PTPRT: variants seen among roughly 807,000 people sequenced by gnomAD.
PTPRT encodes protein tyrosine phosphatase receptor type T.
Under a neutral mutation model 176.8 loss-of-function variants are expected in PTPRT, and 56 were observed. The ratio of observed to expected loss-of-function variants is 0.32; its 90% CI spans 0.26 to 0.40. PTPRT has a LOEUF of 0.40. Ranked by LOEUF, PTPRT falls within the 10% of genes least tolerant of loss-of-function variation. The pLI is 1.00. For synonymous variants in PTPRT, 783 were observed against 739.0 expected, an observed-to-expected ratio of 1.06 and a Z score of -0.96; for missense variants, 1,540 against 1,908.2, an observed-to-expected ratio of 0.81 and a Z score of 3.60.
At chr20:42,612,284 C>A (rs1269181756) in intron 7 of PTPRT, among the ~76,000 whole-genome samples, 1 of 152,224 alleles carries the variant, frequency 6.6e-6, no homozygotes, top group Non-Finnish European at 1.5e-5. Context: ...CACACATCCA[C>A]CGAGCTTTTC....
chr20:42,795,381 T>A (rs13041905), intron 2 of PTPRT, among the ~76,000 whole-genome samples: 18,293 of 152,244 alleles, frequency 0.12, 1,398 homozygotes, highest in East Asian at 0.35. Flanking sequence ...GCAACACAGA[T>A]CTCCTTTTTG....
chr20:43,059,391 G>C (rs1378143472), intron 1 of PTPRT, among the ~76,000 whole-genome samples: 1 of 152,174 alleles, frequency 6.6e-6, no homozygotes, highest in Non-Finnish European at 1.5e-5. Flanking sequence ...TGCTTAGAAA[G>C]AGCTTCAGCT....
chr20:42,047,018 C>T, the PTPRT span, among the ~76,000 whole-genome samples: 1 of 152,328 alleles, frequency 6.6e-6, no homozygotes, highest in Non-Finnish European at 1.5e-5. Flanking sequence ...GAGTTGGGTT[C>T]TGCACTGTGC....
chr20:42,628,019 T>C (rs749678650), intron 7 of PTPRT, among the ~76,000 whole-genome samples: 1 of 152,120 alleles, frequency 6.6e-6, no homozygotes, highest in African/African-American at 2.4e-5. Context: ...GGTCAGTCAT[T>C]TGCAGAAACA....
intron 6 of PTPRT, among the ~76,000 whole-genome samples, chr20:42,742,972 G>A (rs2076634337): frequency 6.6e-6 from 1 of 152,174 alleles, no homozygotes; most frequent in Admixed American, 6.5e-5. Flanking sequence ...TGCTTGCTCA[G>A]GCACAGCAAA....
intron 2 of PTPRT, among the ~76,000 whole-genome samples, chr20:42,860,139 C>T (rs895240394): frequency 5.9e-5 from 9 of 152,158 alleles, no homozygotes; most frequent in Non-Finnish European, 8.8e-5. Flanking sequence ...GGTGGATTAT[C>T]ATTTCATCTT....
At chr20:43,050,162 G>C (rs971667555) in intron 1 of PTPRT, among the ~76,000 whole-genome samples, 6 of 152,290 alleles carry the variant, frequency 3.9e-5, no homozygotes, top group South Asian at 2.1e-4. Flanking sequence ...TTGTAGCAAG[G>C]CTGGTTCATT....
intron 1 of PTPRT, among the ~76,000 whole-genome samples, chr20:43,135,412 C>CG: frequency 6.6e-6 from 1 of 152,116 alleles, no homozygotes; most frequent in East Asian, 1.9e-4. Context: ...AATATGTACG[C>CG]GGTGACCCCG....
chr20:42,850,104 AC>A (rs1043083126), intron 2 of PTPRT, among the ~76,000 whole-genome samples: 1 of 152,116 alleles, frequency 6.6e-6, no homozygotes, highest in Non-Finnish European at 1.5e-5. Flanking sequence ...GTGAAGGACT[AC>A]CTCTTCCTCC....
chr20:43,130,868 A>T (rs1457562358), intron 1 of PTPRT, among the ~76,000 whole-genome samples: 1 of 152,090 alleles, frequency 6.6e-6, no homozygotes, highest in African/African-American at 2.4e-5. Flanking sequence ...ATATCTTTTT[A>T]AAAAATCAAT....
At position 42,098,560 on chromosome 20, in the gene PTPRT, A is replaced by G. The variant is rs777607138; in HGVS notation, c.3715-8T>C. ...GGCAGGCTGCTTGTGGCTCTGACAA[A>G]GGAATGACACAGGCTTCGTAAATTA... On this transcript the variant is annotated splice_region_variant and splice_polypyrimidine_tract_variant and intron_variant, in intron 26 of 30. Transcript: ENST00000373187. 9 of 1,614,084 alleles carry G rather than the reference A, an allele frequency of 5.6e-6. No individual in the cohort carries two copies. Among genetic ancestry groups the G allele is most frequent in the Non-Finnish European group, 7.6e-6 (9 of 1,180,002 alleles).
chr20:42,556,320 A>G (rs2072860036), intron 7 of PTPRT, among the ~76,000 whole-genome samples: 1 of 152,142 alleles, frequency 6.6e-6, no homozygotes, highest in Admixed American at 6.5e-5. Flanking sequence ...CTCATCTTTT[A>G]CATCTCACTA....
intron 1 of PTPRT, among the ~76,000 whole-genome samples, chr20:43,118,590 C>T (rs186936411): frequency 6.6e-5 from 10 of 152,282 alleles, no homozygotes; most frequent in Non-Finnish European, 1.3e-4. Flanking sequence ...CAGGCACACG[C>T]CACCATGCCC....
intron 2 of PTPRT, among the ~76,000 whole-genome samples, chr20:42,826,170 T>C (rs551194872): frequency 2.0e-5 from 3 of 152,184 alleles, no homozygotes; most frequent in East Asian, 3.9e-4. Context: ...GGTGATCCAC[T>C]GAAACCAACA....
At chr20:42,899,353 T>C (rs2079360494) in intron 1 of PTPRT, among the ~76,000 whole-genome samples, 2 of 152,350 alleles carry the variant, frequency 1.3e-5, no homozygotes. Flanking sequence ...GGCAGCTGTG[T>C]CAGCGTCTGA....
chr20:42,477,705 C>T (rs1048359198), intron 7 of PTPRT, among the ~76,000 whole-genome samples: 13 of 152,152 alleles, frequency 8.5e-5, no homozygotes, highest in Admixed American at 3.9e-4. Flanking sequence ...AAGCCCTGTC[C>T]GTATGACCTT....
chr20:42,100,264 T>C (rs1985801154), intron 26 of PTPRT, among the ~76,000 whole-genome samples: 1 of 152,208 alleles, frequency 6.6e-6, no homozygotes, highest in Admixed American at 6.5e-5. Flanking sequence ...TCGAGATCCG[T>C]GCTCCTGCCG....
chr20:42,415,849 A>G (rs1332282910), intron 9 of PTPRT, among the ~76,000 whole-genome samples: 1 of 152,204 alleles, frequency 6.6e-6, no homozygotes, highest in Non-Finnish European at 1.5e-5. Context: ...ATTGATCCAC[A>G]TGACTAAGAA....
chr20:42,634,883 C>T (rs1310251389), intron 7 of PTPRT, among the ~76,000 whole-genome samples: 1 of 152,054 alleles, frequency 6.6e-6, no homozygotes, highest in Non-Finnish European at 1.5e-5. Context: ...ATAAAACAAA[C>T]ATTAAAGTGA....
Sources: gnomAD v4.1 joint callset for allele counts (sites outside exome capture counted in the v4.1 genomes callset) on GRCh38, gnomAD v4.1.1 for gene constraint, MANE v1.5 for transcripts, NCBI Gene and HGNC (gene_info 2026-07-23, HGNC 2026-07-21) for gene names.